RNF180: variants seen among roughly 807,000 people sequenced by gnomAD.
RNF180 encodes ring finger protein 180.
RNF180 carries 38 observed loss-of-function variants against 59.2 expected under a neutral mutation model. The observed-to-expected ratio is 0.64, with a 90% CI of 0.50 to 0.84. The LOEUF (loss-of-function observed/expected upper bound fraction) is 0.84, where lower values mean the gene tolerates loss of function less well. RNF180 is among the 40% of genes least tolerant of loss of function. RNF180 has a pLI of 0.00. For missense variants in RNF180, 705 were observed against 700.9 expected, an observed-to-expected ratio of 1.01 and a Z score of -0.07; for synonymous variants, 262 against 240.3, an observed-to-expected ratio of 1.09 and a Z score of -0.84.
chr5:64,354,821 G>T (rs996840367), intron 7 of RNF180, among the ~76,000 whole-genome samples: 6 of 151,618 alleles, frequency 4.0e-5, no homozygotes, highest in African/African-American at 1.5e-4. Context: ...TAATAAAGGG[G>T]GGAAGGGATT....
At chr5:64,274,617 T>A (rs1382570348) in intron 5 of RNF180, among the ~76,000 whole-genome samples, 1 of 152,144 alleles carries the variant, frequency 6.6e-6, no homozygotes, top group East Asian at 1.9e-4. Context: ...TTATTTTCTC[T>A]GTTCAGGGTT....
At chr5:64,342,849 T>TAA (rs1335186283) in intron 7 of RNF180, among the ~76,000 whole-genome samples, 1 of 152,156 alleles carries the variant, frequency 6.6e-6, no homozygotes, top group Non-Finnish European at 1.5e-5. Flanking sequence ...GCTTTGGAGA[T>TAA]AAAGTCCCAT....
intron 5 of RNF180, among the ~76,000 whole-genome samples, chr5:64,291,376 T>C (rs1742571177): frequency 6.6e-6 from 1 of 151,852 alleles, no homozygotes; most frequent in African/African-American, 2.4e-5. Flanking sequence ...GGCCTTCTTG[T>C]TAGGGAAATT....
Position 64,370,037 on chromosome 5 carries a change from A to G in RNF180, c.*223A>G, listed in dbSNP as rs1223804002. 9.9e-6 allele frequency: 3 copies of G among 302,116 alleles called. No individual in the cohort carries two copies. Among genetic ancestry groups the G allele is most frequent in the Non-Finnish European group, 1.8e-5 (3 of 165,378 alleles). 18.7% of individuals were successfully genotyped at this position (302,116 alleles called of 1,614,324 possible). ...ACCCAGCACTTAGCAACAATGCACT[A>G]TTAATTTCATAGTTGTTCTTGGGTT... On this transcript the variant is annotated 3_prime_UTR_variant, in exon 8 of 8. Transcript: ENST00000389100.
intron 5 of RNF180, among the ~76,000 whole-genome samples, chr5:64,220,571 A>G (rs1752854268): frequency 6.6e-6 from 1 of 152,096 alleles, no homozygotes; most frequent in Non-Finnish European, 1.5e-5. Context: ...TAATCCTAGA[A>G]CAAAACATTT....
intron 1 of RNF180, among the ~76,000 whole-genome samples, chr5:64,190,154 C>T (rs1282974722): frequency 6.6e-5 from 10 of 152,034 alleles, no homozygotes; most frequent in Middle Eastern, 3.4e-3. Context: ...CTCAGTGGGC[C>T]GAGAAAACAA....
intron 7 of RNF180, among the ~76,000 whole-genome samples, chr5:64,351,382 G>A (rs1333796799): frequency 1.3e-5 from 2 of 152,020 alleles, no homozygotes; most frequent in African/African-American, 4.8e-5. Flanking sequence ...TTTCCTAATT[G>A]AATACCCTTT....
At chr5:64,337,727 A>G (rs1008086969) in intron 7 of RNF180, among the ~76,000 whole-genome samples, 10 of 138,628 alleles carry the variant, frequency 7.2e-5, no homozygotes, top group Admixed American at 1.7e-4. Context: ...TCATTGTTCA[A>G]TTCCCACCTA....
intron 2 of RNF180, among the ~76,000 whole-genome samples, chr5:64,202,487 T>A (rs1214366365): frequency 6.6e-6 from 1 of 152,218 alleles, no homozygotes; most frequent in Non-Finnish European, 1.5e-5. Flanking sequence ...TTATTATTTC[T>A]GTTTAATATA....
At chr5:64,169,146 A>G (rs1381291158) in intron 1 of RNF180, among the ~76,000 whole-genome samples, 1 of 152,190 alleles carries the variant, frequency 6.6e-6, no homozygotes, top group African/African-American at 2.4e-5. Flanking sequence ...TTACAGTTTC[A>G]GACTGATTAT....
At chr5:64,277,238 T>C (rs1580165795) in intron 5 of RNF180, among the ~76,000 whole-genome samples, 1 of 142,696 alleles carries the variant, frequency 7.0e-6, no homozygotes, top group East Asian at 2.0e-4. Flanking sequence ...GAGGAACAAG[T>C]CTAAGACAGT....
intron 1 of RNF180, among the ~76,000 whole-genome samples, chr5:64,180,348 G>T (rs1346539951): frequency 1.3e-5 from 2 of 152,030 alleles, no homozygotes; most frequent in Non-Finnish European, 2.9e-5. Context: ...ATAAGGCAGG[G>T]TATAAATAAA....
intron 1 of RNF180, among the ~76,000 whole-genome samples, chr5:64,183,441 CTTTTTTTTTTTTT>C (rs367772828): frequency 2.2e-5 from 2 of 89,898 alleles, no homozygotes; most frequent in South Asian, 3.8e-4. Context: ...GAAAGTATAC[CTTTTTTTTTTTTT>C]TTTTTTTTTT....
chr5:64,243,842 C>T (rs1218679723), intron 5 of RNF180, among the ~76,000 whole-genome samples: 1 of 152,182 alleles, frequency 6.6e-6, no homozygotes, highest in Non-Finnish European at 1.5e-5. Context: ...CAGGACAGTT[C>T]TGGCTAGCAT....
rs1746600041 is a variant in RNF180, at chr5:64,369,840, C to T, written c.*26C>T. On this transcript the variant is annotated 3_prime_UTR_variant, in exon 8 of 8. Coordinates refer to ENST00000389100, the MANE Select transcript of RNF180 (RefSeq NM_001113561.2). The stretch of plus-strand genomic sequence containing the variant: ...GAATTTCATACCTTACTACAATTGA[C>T]CAATCATAAATGATGTAAATAACAA... 3 of 1,253,744 alleles carry T rather than the reference C, an allele frequency of 2.4e-6. No homozygotes were observed. Among genetic ancestry groups the T allele is most frequent in the Admixed American group, 6.5e-5 (2 of 30,984 alleles). 77.7% of individuals were successfully genotyped at this position (1,253,744 alleles called of 1,614,324 possible). A position where few individuals can be genotyped will look rare whatever the true frequency, so the allele number is the denominator to read the frequency against.
intron 7 of RNF180, among the ~76,000 whole-genome samples, chr5:64,346,025 TTAA>T: frequency 6.6e-6 from 1 of 152,108 alleles, no homozygotes; most frequent in Admixed American, 6.6e-5. Context: ...ATTTCTCAGA[TTAA>T]TTTCAAATCA....
chr5:64,217,333 G>C (rs1752682502), intron 4 of RNF180, 28 bp from the exon 5 acceptor site: 1 of 1,381,416 alleles, frequency 7.2e-7, no homozygotes, highest in Non-Finnish European at 9.4e-7. Flanking sequence ...GCTTATTTTT[G>C]TGTGAACCTA....
intron 1 of RNF180, among the ~76,000 whole-genome samples, chr5:64,179,920 A>G (rs1399734786): frequency 6.6e-6 from 1 of 151,936 alleles, no homozygotes; most frequent in Non-Finnish European, 1.5e-5. Flanking sequence ...AGACTTTTTA[A>G]TTTTTCCCAG....
chr5:64,220,216 T>G (rs1471426633), intron 5 of RNF180, among the ~76,000 whole-genome samples: 2 of 151,992 alleles, frequency 1.3e-5, no homozygotes, highest in East Asian at 3.8e-4. Context: ...TTTTACTGTT[T>G]TCAAAATTTG....
Sources: gnomAD v4.1 joint callset for allele counts (sites outside exome capture counted in the v4.1 genomes callset) on GRCh38, gnomAD v4.1.1 for gene constraint, MANE v1.5 for transcripts, NCBI Gene and HGNC (gene_info 2026-07-23, HGNC 2026-07-21) for gene names.